Variants in ENPP6 observed in about 807,000 individuals in gnomAD.
The protein encoded by ENPP6 is glycerophosphocholine cholinephosphodiesterase ENPP6.
ENPP6 carries 32 observed loss-of-function variants against 42.0 expected under a neutral mutation model. The observed-to-expected ratio is 0.76, with a 90% CI of 0.58 to 1.02. The LOEUF (loss-of-function observed/expected upper bound fraction) is 1.02. Ranked by LOEUF, ENPP6 falls within the 50% of genes least tolerant of loss-of-function variation. ENPP6 has a pLI of 0.00. For missense variants in ENPP6, 552 were observed against 566.8 expected (o/e 0.97, Z 0.27); for synonymous variants, 213 against 216.0 (o/e 0.99, Z 0.12).
intron 1 of ENPP6, among the ~76,000 whole-genome samples, chr4:184,211,327 T>G (rs1315894815): frequency 2.0e-5 from 3 of 151,602 alleles, no homozygotes; most frequent in Non-Finnish European, 4.4e-5. Context: ...TCAACAAAAT[T>G]GATAGACCAC....
intron 2 of ENPP6, among the ~76,000 whole-genome samples, chr4:184,150,696 G>T (rs1737009806): frequency 1.3e-5 from 2 of 152,230 alleles, no homozygotes; most frequent in East Asian, 3.9e-4. Flanking sequence ...AGTTTCATTT[G>T]AGTATCCAGT....
At position 184,125,484 on chromosome 4, in the gene ENPP6, G is replaced by A. The variant is rs145694167; in HGVS notation, c.422-1212C>T. The stretch of plus-strand genomic sequence containing the variant: ...TCCAAGGTGAGGTAAGTAAAAGTGG[G>A]GCAGAGGGAGCGCAGGAGGAAAGGA... On this transcript the variant is annotated intron_variant, in intron 2 of 7. Coordinates refer to ENST00000296741, the MANE Select transcript of ENPP6 (RefSeq NM_153343.4). Among the ~76,000 whole-genome samples the A allele has an allele frequency of 3.4e-4, 52 of 152,262 alleles. 1 individual carries two copies. The highest frequency in any genetic ancestry group is 6.8e-3 in the Middle Eastern group (2 of 294).
chr4:184,119,862 C>T (rs913615343), intron 3 of ENPP6, among the ~76,000 whole-genome samples: 41 of 152,188 alleles, frequency 2.7e-4, no homozygotes, highest in African/African-American at 9.7e-4. Flanking sequence ...AAGAAGGACA[C>T]GTCTGCTTTC....
At chr4:184,109,678 C>T (rs896320094) in intron 6 of ENPP6, among the ~76,000 whole-genome samples, 4 of 152,116 alleles carry the variant, frequency 2.6e-5, no homozygotes, top group African/African-American at 2.4e-5. Flanking sequence ...TTTGAAATTA[C>T]CTCAAATCTT....
chr4:184,131,798 C>CACACAA (rs1398603259), intron 2 of ENPP6, among the ~76,000 whole-genome samples: 1 of 145,426 alleles, frequency 6.9e-6, no homozygotes, highest in African/African-American at 2.7e-5. Flanking sequence ...ACCAATAGAA[C>CACACAA]ACACACACAC....
intron 1 of ENPP6, among the ~76,000 whole-genome samples, chr4:184,215,652 A>G (rs1882327): frequency 0.54 from 82,207 of 151,994 alleles, 22,717 homozygotes; most frequent in East Asian, 0.8. Flanking sequence ...GGTAGCTTCT[A>G]TGAAACATAT....
intron 1 of ENPP6, among the ~76,000 whole-genome samples, chr4:184,198,289 C>G (rs778258083): frequency 1.3e-5 from 2 of 152,226 alleles, no homozygotes; most frequent in African/African-American, 4.8e-5. Context: ...TCTGAGTAAG[C>G]ACTGGTCCCC....
At chr4:184,170,141 G>C (rs987427987) in intron 1 of ENPP6, among the ~76,000 whole-genome samples, 8 of 152,224 alleles carry the variant, frequency 5.3e-5, no homozygotes, top group Non-Finnish European at 1.2e-4. Flanking sequence ...ATTTGAATCA[G>C]CATTCAGGCC....
At chr4:184,172,016 G>A (rs925479369) in intron 1 of ENPP6, among the ~76,000 whole-genome samples, 20 of 152,264 alleles carry the variant, frequency 1.3e-4, no homozygotes, top group Non-Finnish European at 7.4e-5. Flanking sequence ...TAGGCGGCCG[G>A]GAGGGTTTGG....
intron 1 of ENPP6, among the ~76,000 whole-genome samples, chr4:184,205,968 G>T (rs368860359): frequency 6.6e-5 from 10 of 152,330 alleles, no homozygotes; most frequent in Admixed American, 3.3e-4. Context: ...AGGGAACTAA[G>T]GCTGGGAATG....
At chr4:184,120,835 C>T (rs892003940) in intron 3 of ENPP6, among the ~76,000 whole-genome samples, 6 of 152,152 alleles carry the variant, frequency 3.9e-5, no homozygotes, top group South Asian at 2.1e-4. Flanking sequence ...GACTCCCTGT[C>T]GCTGTCTCAA....
chr4:184,108,903 A>G (rs1333328417), intron 6 of ENPP6, among the ~76,000 whole-genome samples: 2 of 152,218 alleles, frequency 1.3e-5, no homozygotes, highest in African/African-American at 2.4e-5. Context: ...GTTTGGCTGT[A>G]TGTTATTTTC....
At chr4:184,106,881 C>A (rs761167627) in intron 6 of ENPP6, among the ~76,000 whole-genome samples, 1 of 152,176 alleles carries the variant, frequency 6.6e-6, no homozygotes, top group East Asian at 1.9e-4. Context: ...GCTAGGTGCA[C>A]GATTGCTGAG....
At chr4:184,103,205 G>C (rs556820588) in intron 6 of ENPP6, among the ~76,000 whole-genome samples, 10 of 152,226 alleles carry the variant, frequency 6.6e-5, no homozygotes, top group Non-Finnish European at 1.3e-4. Context: ...AAAGGCCGGC[G>C]CCCATGGGAT....
At chr4:184,191,672 G>A (rs1009072327) in intron 1 of ENPP6, among the ~76,000 whole-genome samples, 7 of 152,166 alleles carry the variant, frequency 4.6e-5, no homozygotes, top group African/African-American at 1.4e-4. Flanking sequence ...AACTCCTAAC[G>A]TGACTGTAAA....
In ENPP6 at chr4:184,186,444, C is replaced by T. The variant is rs73009720; in HGVS notation, c.241+31135G>A. Among the ~76,000 whole-genome samples, 1,514 of 152,166 alleles carry T rather than the reference C, an allele frequency of 9.9e-3. 27 individuals are homozygous for T. Among genetic ancestry groups the T allele is most frequent in the African/African-American group, 0.035 (1,437 of 41,516 alleles). The stretch of plus-strand genomic sequence containing the variant: ...CAAATGGGAATTAACAATAAATGTG[C>T]ATGAGACCGACAAGGTGAGAAGAGA... On this transcript the variant is annotated intron_variant, in intron 1 of 7. Coordinates refer to ENST00000296741, the MANE Select transcript of ENPP6 (RefSeq NM_153343.4).
At chr4:184,157,505 CT>C (rs1400862109) in intron 1 of ENPP6, among the ~76,000 whole-genome samples, 1 of 140,346 alleles carries the variant, frequency 7.1e-6, no homozygotes, top group East Asian at 2.1e-4. Context: ...TTTCTTTCCT[CT>C]TTTTCTCTTT....
intron 2 of ENPP6, among the ~76,000 whole-genome samples, chr4:184,136,778 T>C (rs1374174000): frequency 6.6e-6 from 1 of 152,208 alleles, no homozygotes; most frequent in African/African-American, 2.4e-5. Flanking sequence ...TTGTCTTTGG[T>C]TTTCACCAGT....
intron 1 of ENPP6, among the ~76,000 whole-genome samples, chr4:184,183,693 GT>G (rs1332853974): frequency 6.6e-6 from 1 of 152,310 alleles, no homozygotes; most frequent in African/African-American, 2.4e-5. Flanking sequence ...ATGAACTAAA[GT>G]TTTTTACCAA....
Sources: gnomAD v4.1 joint callset for allele counts (sites outside exome capture counted in the v4.1 genomes callset) on GRCh38, gnomAD v4.1.1 for gene constraint, MANE v1.5 for transcripts, NCBI Gene and HGNC (gene_info 2026-07-23, HGNC 2026-07-21) for gene names.